PAX5: variants seen among roughly 807,000 people sequenced by gnomAD.
PAX5 encodes the protein paired box 5, also known as paired box protein Pax-5.
A neutral mutation model predicts 43.7 loss-of-function variants in PAX5; 9 were observed. That is an observed-to-expected ratio of 0.21 (90% CI 0.12 to 0.36). The LOEUF (loss-of-function observed/expected upper bound fraction) is 0.36, where lower values mean the gene tolerates loss of function less well. Among genes scored for constraint, PAX5 ranks in the 10% least tolerant of loss-of-function variants. PAX5 has a pLI of 1.00. For missense variants in PAX5, 383 were observed against 532.7 expected, an observed-to-expected ratio of 0.72 and a Z score of 2.77; for synonymous variants, 228 against 214.3, an observed-to-expected ratio of 1.06 and a Z score of -0.56.
chr9:37,003,600 G>A (rs1838131034), intron 4 of PAX5, among the ~76,000 whole-genome samples: 1 of 152,166 alleles, frequency 6.6e-6, no homozygotes, highest in South Asian at 2.1e-4. Flanking sequence ...CACTTTGGAA[G>A]GCAGACGTGG....
At chr9:36,867,979 G>T (rs1026099516) in intron 8 of PAX5, among the ~76,000 whole-genome samples, 1 of 152,154 alleles carries the variant, frequency 6.6e-6, no homozygotes, top group Non-Finnish European at 1.5e-5. Flanking sequence ...CTGTCACCCC[G>T]CGTTCCCGGC....
intron 5 of PAX5, among the ~76,000 whole-genome samples, chr9:36,977,524 T>C (rs1835545060): frequency 6.6e-6 from 1 of 151,972 alleles, no homozygotes; most frequent in Non-Finnish European, 1.5e-5. Flanking sequence ...TTTTGGGGTT[T>C]TTTTGTTTTG....
chr9:36,886,472 G>A (rs1454313161), intron 7 of PAX5, among the ~76,000 whole-genome samples: 2 of 152,144 alleles, frequency 1.3e-5, no homozygotes, highest in African/African-American at 4.8e-5. Flanking sequence ...TGACCTTGGA[G>A]GACACAGGCA....
At chr9:36,869,063 G>A (rs1418838378) in intron 8 of PAX5, among the ~76,000 whole-genome samples, 1 of 152,198 alleles carries the variant, frequency 6.6e-6, no homozygotes, top group African/African-American at 2.4e-5. Context: ...ACTGCCCTGA[G>A]GGCTTCGGAC....
Position 36,913,137 on chromosome 9 carries a change from A to T in PAX5, c.910+10218T>A, listed in dbSNP as rs370080091. Among the ~76,000 whole-genome samples the T allele has an allele frequency of 4.3e-4, 66 of 152,354 alleles. No individual in the cohort carries two copies. The South Asian group carries it at 9.3e-3, about 22-fold the overall frequency. ...TTGAACCTGAGGGATACTGCAAATC[A>T]GAGCAGGTGGACTCAGGGACTTGGC... On this transcript the variant is annotated intron_variant, in intron 7 of 9. Coordinates refer to ENST00000358127, the MANE Select transcript of PAX5 (RefSeq NM_016734.3).
Position 36,859,304 on chromosome 9 carries a change from G to C in PAX5, c.1013-12375C>G, listed in dbSNP as rs553985324. ...CTGGGAGGCTGGGGCCAGTGTGTTT[G>C]TACAGGTATGAAAGCCGGGCCGGGC... On this transcript the variant is annotated intron_variant, in intron 8 of 9. Transcript: ENST00000358127. Among the ~76,000 whole-genome samples, 261 of 152,296 alleles carry C rather than the reference G, an allele frequency of 1.7e-3. 5 individuals carry two copies. Among genetic ancestry groups the C allele is most frequent in the Non-Finnish European group, 9.1e-4 (62 of 68,030 alleles).
chr9:37,007,252 T>C (rs1218428355), intron 3 of PAX5, among the ~76,000 whole-genome samples: 1 of 152,224 alleles, frequency 6.6e-6, no homozygotes, highest in African/African-American at 2.4e-5. Context: ...CAAATTCCAC[T>C]GTGACCTTGA....
intron 5 of PAX5, among the ~76,000 whole-genome samples, chr9:36,975,479 G>A (rs140996671): frequency 0.015 from 2,324 of 151,644 alleles, 55 homozygotes; most frequent in African/African-American, 0.054. Flanking sequence ...TCCGCCTCCC[G>A]GGTTCACGCC....
At chr9:36,988,672 A>C (rs1836669617) in intron 5 of PAX5, among the ~76,000 whole-genome samples, 1 of 82,084 alleles carries the variant, frequency 1.2e-5, no homozygotes, top group African/African-American at 3.9e-5. Flanking sequence ...CAAAAAAAAA[A>C]AAAAAAAAAA....
intron 5 of PAX5, among the ~76,000 whole-genome samples, chr9:36,968,428 G>A (rs1258161513): frequency 6.6e-6 from 1 of 152,194 alleles, no homozygotes; most frequent in Non-Finnish European, 1.5e-5. Flanking sequence ...AACAAAGATA[G>A]CAGCTTTGAG....
At chr9:36,973,079 G>A (rs548108687) in intron 5 of PAX5, among the ~76,000 whole-genome samples, 13 of 43,850 alleles carry the variant, frequency 3.0e-4, no homozygotes, top group South Asian at 1.2e-3. Flanking sequence ...GGAACGGAAC[G>A]GAACGGAAAG....
At chr9:37,011,510 C>T (rs1427992941) in intron 3 of PAX5, among the ~76,000 whole-genome samples, 1 of 152,200 alleles carries the variant, frequency 6.6e-6, no homozygotes, top group African/African-American at 2.4e-5. Flanking sequence ...CCCCATTCAA[C>T]CCACCGTTTG....
intron 6 of PAX5, among the ~76,000 whole-genome samples, chr9:36,950,332 C>T (rs985934120): frequency 6.6e-6 from 1 of 152,216 alleles, no homozygotes; most frequent in Non-Finnish European, 1.5e-5. Context: ...ATAGCCAAGA[C>T]ATTGGGAAAG....
chr9:36,887,654 A>G (rs1827015328), intron 7 of PAX5, among the ~76,000 whole-genome samples: 1 of 152,238 alleles, frequency 6.6e-6, no homozygotes, highest in South Asian at 2.1e-4. Flanking sequence ...AAATGAATCA[A>G]AGACCTAAAT....
At position 36,839,685 on chromosome 9, in the gene PAX5, TCTC is replaced by T; in HGVS notation, c.*872_*874del. On this transcript the variant is annotated 3_prime_UTR_variant, in exon 10 of 10. Coordinates refer to ENST00000358127, the MANE Select transcript of PAX5 (RefSeq NM_016734.3). Reference sequence around the variant, plus strand: ...CCCCTCCTTGGCTGGGATCAGATGATCTCCTGCGTCCCATCCAGCCCTCACATT... The same window carrying T: ...CCCCTCCTTGGCTGGGATCAGATGATCTGCGTCCCATCCAGCCCTCACATT... 1 of 233,276 alleles carries T rather than the reference TCTC, an allele frequency of 4.3e-6. No individual in the cohort carries two copies. The highest frequency in any genetic ancestry group is 8.5e-6 in the Non-Finnish European group (1 of 118,070). The allele number at this position is 233,276 out of a possible 1,614,324, so 14.5% of individuals were successfully genotyped here.
chr9:36,916,473 C>T (rs1242586381), intron 7 of PAX5, among the ~76,000 whole-genome samples: 1 of 152,128 alleles, frequency 6.6e-6, no homozygotes, highest in Non-Finnish European at 1.5e-5. Context: ...CAAAAGAAAT[C>T]TGTTGGTATT....
At chr9:36,966,267 A>G (rs1170447419) in intron 6 of PAX5, among the ~76,000 whole-genome samples, 3 of 152,172 alleles carry the variant, frequency 2.0e-5, no homozygotes, top group Non-Finnish European at 4.4e-5. Context: ...CTGTCCAAAG[A>G]GCCCTTGGAA....
intron 8 of PAX5, among the ~76,000 whole-genome samples, chr9:36,853,818 A>C (rs1823392704): frequency 6.6e-6 from 1 of 152,264 alleles, no homozygotes; most frequent in African/African-American, 2.4e-5. Context: ...AGGTGTTTTC[A>C]GCTTCCCCTT....
Position 37,034,010 on chromosome 9 carries a change from G to A in PAX5, c.22C>T (p.Pro8Ser), listed in dbSNP as rs1466879183. The change falls in exon 1 of 10, where the codon CCG (proline) becomes TCG (serine). Residue 8 changes from proline (P) to serine (S), a missense_variant. This residue lies in a region of PAX5 where 54 missense variants were observed against 68.6 expected (regional missense o/e 0.79). Coordinates refer to ENST00000358127, the MANE Select transcript of PAX5 (RefSeq NM_016734.3). MDLEKNY[P>S]TPRTSRTGHG... Reference sequence around the variant, plus strand: ...CCTGTCCTGCTGGTCCGAGGAGTCGGATAATTTTTCTCTAAATCCATTTTG... The same window carrying A: ...CCTGTCCTGCTGGTCCGAGGAGTCGAATAATTTTTCTCTAAATCCATTTTG... 61 of 1,607,176 alleles carry A rather than the reference G, an allele frequency of 3.8e-5. No individual in the cohort carries two copies. Among genetic ancestry groups the A allele is most frequent in the Middle Eastern group, 2.1e-4 (1 of 4,736 alleles).
Sources: gnomAD v4.1 joint callset for allele counts (sites outside exome capture counted in the v4.1 genomes callset) on GRCh38, gnomAD v4.1.1 for gene constraint, gnomAD v4.1.1 regional missense constraint, MANE v1.5 for transcripts, NCBI Gene and HGNC (gene_info 2026-07-23, HGNC 2026-07-21) for gene names.